The following PTPRD variants were observed in gnomAD, a reference collection of about 807,000 sequenced individuals.
PTPRD encodes receptor-type tyrosine-protein phosphatase delta.
In PTPRD, 34 loss-of-function variants were observed where a neutral mutation model predicts 214.5. The observed-to-expected ratio is 0.16, with a 90% CI of 0.12 to 0.21. The LOEUF is 0.21. PTPRD is among the 10% of genes least tolerant of loss of function. The probability of loss-of-function intolerance (pLI) is 1.00; values close to 1 mark genes in which losing one functional copy is unlikely to be tolerated. For synonymous variants in PTPRD, 1,128 were observed against 845.7 expected, an observed-to-expected ratio of 1.33 and a Z score of -5.79; for missense variants, 2,545 against 2,398.7, an observed-to-expected ratio of 1.06 and a Z score of -1.27.
chr9:8,975,916 C>T (rs550824518), intron 11 of PTPRD, among the ~76,000 whole-genome samples: 2 of 151,952 alleles, frequency 1.3e-5, no homozygotes, highest in South Asian at 2.1e-4. Flanking sequence ...ACATGATTTT[C>T]ATTGGTTGCT....
chr9:9,253,087 A>G (rs1396599149), intron 9 of PTPRD, among the ~76,000 whole-genome samples: 6 of 152,140 alleles, frequency 3.9e-5, no homozygotes, highest in African/African-American at 1.4e-4. Context: ...GAGATTTCCA[A>G]ACTAAGATAT....
chr9:8,607,163 G>C (rs138971191), intron 14 of PTPRD, among the ~76,000 whole-genome samples: 216 of 152,234 alleles, frequency 1.4e-3, no homozygotes, highest in African/African-American at 5.0e-3. Flanking sequence ...AATGCTAAGA[G>C]GGCGGATATA....
intron 11 of PTPRD, among the ~76,000 whole-genome samples, chr9:8,859,511 C>T (rs2098050646): frequency 6.6e-6 from 1 of 152,216 alleles, no homozygotes; most frequent in Non-Finnish European, 1.5e-5. Flanking sequence ...TCACCAGCCA[C>T]CTCCATTGCT....
intron 2 of PTPRD, among the ~76,000 whole-genome samples, chr9:10,510,271 G>T (rs1201558971): frequency 6.6e-6 from 1 of 151,982 alleles, no homozygotes; most frequent in Admixed American, 6.6e-5. Flanking sequence ...GTCACAGCCT[G>T]CACTCCATGT....
At chr9:10,363,034 A>G (rs2097426489) in intron 2 of PTPRD, among the ~76,000 whole-genome samples, 1 of 152,236 alleles carries the variant, frequency 6.6e-6, no homozygotes. Flanking sequence ...TCAGAAATTC[A>G]GTGAAGTACA....
chr9:9,359,162 C>A (rs537738105), intron 9 of PTPRD, among the ~76,000 whole-genome samples: 1 of 151,346 alleles, frequency 6.6e-6, no homozygotes, highest in South Asian at 2.1e-4. Context: ...TGAACCTAAT[C>A]AACATTATAT....
intron 11 of PTPRD, among the ~76,000 whole-genome samples, chr9:8,774,133 G>T (rs1395443757): frequency 6.6e-6 from 1 of 152,140 alleles, no homozygotes; most frequent in Non-Finnish European, 1.5e-5. Context: ...TTCCTCATTT[G>T]TAAACTGGGG....
chr9:10,440,955 C>T (rs1001219666), intron 2 of PTPRD, among the ~76,000 whole-genome samples: 1 of 151,672 alleles, frequency 6.6e-6, no homozygotes, highest in African/African-American at 2.4e-5. Flanking sequence ...CACTTAGTAC[C>T]TCTATTTTAA....
In PTPRD at chr9:8,675,538, C is replaced by CAA. The variant is rs61509653; in HGVS notation, c.65-38696_65-38695dup. On this transcript the variant is annotated intron_variant, in intron 12 of 45. Coordinates refer to ENST00000381196, the MANE Select transcript of PTPRD (RefSeq NM_002839.4). ...GCACACATACACACACACACACACA[C>CAA]AAAAAAAAAAAAAAAAAAAAAAAAA... Among the ~76,000 whole-genome samples, 232 of 49,090 alleles carry CAA rather than the reference C, an allele frequency of 4.7e-3. 12 individuals are homozygous for CAA. The highest frequency in any genetic ancestry group is 0.018 in the African/African-American group (212 of 11,662). The allele number at this position is 49,090 out of a possible 152,430, so 32.2% of individuals were successfully genotyped here. A position where few individuals can be genotyped will look rare whatever the true frequency, so the allele number is the denominator to read the frequency against.
intron 9 of PTPRD, among the ~76,000 whole-genome samples, chr9:9,224,737 T>TTC (rs1306681401): frequency 4.4e-4 from 67 of 152,140 alleles, no homozygotes; most frequent in Non-Finnish European, 3.2e-4. Flanking sequence ...GCTAACTGCT[T>TTC]TACTATCTTT....
intron 2 of PTPRD, among the ~76,000 whole-genome samples, chr9:10,366,405 A>G (rs1054308509): frequency 1.3e-5 from 2 of 152,284 alleles, no homozygotes; most frequent in African/African-American, 4.8e-5. Context: ...TGACATTTGC[A>G]CTATAACTCA....
chr9:9,615,241 T>C (rs984946283), intron 7 of PTPRD, among the ~76,000 whole-genome samples: 4 of 152,202 alleles, frequency 2.6e-5, no homozygotes, highest in African/African-American at 9.6e-5. Flanking sequence ...AAGTAGTTGC[T>C]CCTCCTGCCA....
chr9:9,157,716 T>A (rs1485605730), intron 10 of PTPRD, among the ~76,000 whole-genome samples: 1 of 152,206 alleles, frequency 6.6e-6, no homozygotes, highest in Non-Finnish European at 1.5e-5. Context: ...TTTTTTTTTC[T>A]TTCAACTTTT....
chr9:8,466,280 A>C (rs2096542728), intron 31 of PTPRD, among the ~76,000 whole-genome samples: 1 of 151,958 alleles, frequency 6.6e-6, no homozygotes, highest in Non-Finnish European at 1.5e-5. Flanking sequence ...TTAGGCAATT[A>C]GGGTGCACTT....
chr9:8,345,841 A>C (rs1857074510), intron 39 of PTPRD, among the ~76,000 whole-genome samples: 1 of 151,974 alleles, frequency 6.6e-6, no homozygotes, highest in South Asian at 2.1e-4. Flanking sequence ...CTCCAGTGCT[A>C]ATTCTCTACC....
chr9:9,975,012 A>G (rs1566862402), intron 4 of PTPRD, among the ~76,000 whole-genome samples: 1 of 152,016 alleles, frequency 6.6e-6, no homozygotes, highest in South Asian at 2.1e-4. Context: ...AGGACAATAA[A>G]TGCTCAAAAT....
chr9:9,089,266 C>T (rs1429806329), intron 10 of PTPRD, among the ~76,000 whole-genome samples: 3 of 152,060 alleles, frequency 2.0e-5, no homozygotes, highest in Admixed American at 2.0e-4. Flanking sequence ...GAGCCATAGT[C>T]ACAAATAATA....
intron 10 of PTPRD, among the ~76,000 whole-genome samples, chr9:9,160,785 C>CATCA (rs2099886732): frequency 6.6e-6 from 1 of 152,096 alleles, no homozygotes; most frequent in Non-Finnish European, 1.5e-5. Flanking sequence ...AATCTGTGTC[C>CATCA]ATCAACAGAT....
At chr9:9,590,275 C>T (rs982838378) in intron 7 of PTPRD, among the ~76,000 whole-genome samples, 1 of 151,908 alleles carries the variant, frequency 6.6e-6, no homozygotes, top group African/African-American at 2.4e-5. Flanking sequence ...AGAATGTGAG[C>T]TCCTCACAGG....
Sources: allele counts gnomAD v4.1 joint callset (sites outside exome capture counted in the v4.1 genomes callset), GRCh38; gene constraint gnomAD v4.1.1; transcripts MANE v1.5; gene names NCBI Gene and HGNC (gene_info 2026-07-23, HGNC 2026-07-21).